Variants in VWC2L observed in about 807,000 individuals in gnomAD.
The protein encoded by VWC2L is von Willebrand factor C domain containing 2 like, also known as von Willebrand factor C domain-containing protein 2-like.
A neutral mutation model predicts 21.6 loss-of-function variants in VWC2L; 10 were observed. The observed-to-expected ratio is 0.46, with a 90% confidence interval of 0.29 to 0.78. VWC2L has a LOEUF of 0.78. Among genes scored for constraint, VWC2L ranks in the 30% least tolerant of loss-of-function variants. The pLI is 0.10. For missense variants in VWC2L, 209 were observed against 277.1 expected (o/e 0.75, Z 1.74); for synonymous variants, 96 against 94.3 (o/e 1.02, Z -0.10).
At chr2:214,548,820 A>G (rs1357948061) in intron 3 of VWC2L, among the ~76,000 whole-genome samples, 6 of 152,230 alleles carry the variant, frequency 3.9e-5, no homozygotes, top group Non-Finnish European at 7.3e-5. Context: ...GGGAAATTCC[A>G]CTTTACATCT....
intron 3 of VWC2L, among the ~76,000 whole-genome samples, chr2:214,570,040 G>T (rs1315700031): frequency 1.3e-5 from 2 of 151,964 alleles, no homozygotes; most frequent in African/African-American, 2.4e-5. Flanking sequence ...TCAATTTTCT[G>T]CTGGTTTTGT....
chr2:214,499,880 G>A (rs925514166), intron 3 of VWC2L, among the ~76,000 whole-genome samples: 4 of 152,238 alleles, frequency 2.6e-5, no homozygotes, highest in East Asian at 1.9e-4. Context: ...AGATAATAAC[G>A]TACAAGCCAA....
intron 3 of VWC2L, among the ~76,000 whole-genome samples, chr2:214,441,169 G>A (rs901280261): frequency 2.0e-5 from 3 of 152,134 alleles, no homozygotes; most frequent in Non-Finnish European, 4.4e-5. Flanking sequence ...GAAAACAAGA[G>A]GACAACAGAG....
chr2:214,566,036 T>A (rs1378408954), intron 3 of VWC2L, among the ~76,000 whole-genome samples: 1 of 152,154 alleles, frequency 6.6e-6, no homozygotes, highest in African/African-American at 2.4e-5. Flanking sequence ...CAACCTACTT[T>A]TAGGATTGCT....
chr2:214,489,981 A>G (rs1243380721), intron 3 of VWC2L, among the ~76,000 whole-genome samples: 1 of 152,220 alleles, frequency 6.6e-6, no homozygotes, highest in Non-Finnish European at 1.5e-5. Flanking sequence ...GGAACTAGTC[A>G]CTGGGTGCAG....
At chr2:214,487,307 G>A (rs1688684285) in intron 3 of VWC2L, among the ~76,000 whole-genome samples, 1 of 151,688 alleles carries the variant, frequency 6.6e-6, no homozygotes, top group Non-Finnish European at 1.5e-5. Flanking sequence ...AGCAAGCATG[G>A]GCTTGAAGAA....
intron 3 of VWC2L, among the ~76,000 whole-genome samples, chr2:214,476,473 T>TG (rs1688527643): frequency 6.6e-6 from 1 of 152,122 alleles, no homozygotes; most frequent in Admixed American, 6.5e-5. Flanking sequence ...ACAATGATTG[T>TG]GGGGGTTGGG....
At chr2:214,443,106 C>T (rs992215061) in intron 3 of VWC2L, among the ~76,000 whole-genome samples, 1 of 152,030 alleles carries the variant, frequency 6.6e-6, no homozygotes, top group African/African-American at 2.4e-5. Flanking sequence ...AAAGGCCGGG[C>T]GTGGTGGCTC....
At chr2:214,447,411 C>T (rs947646240) in intron 3 of VWC2L, among the ~76,000 whole-genome samples, 10 of 152,142 alleles carry the variant, frequency 6.6e-5, no homozygotes, top group Non-Finnish European at 1.0e-4. Context: ...AATTAAGGTA[C>T]ACAGTCTAAC....
intron 3 of VWC2L, among the ~76,000 whole-genome samples, chr2:214,536,103 A>G (rs1689524410): frequency 6.6e-6 from 1 of 152,134 alleles, no homozygotes; most frequent in Non-Finnish European, 1.5e-5. Context: ...TCACCATTAG[A>G]GCCCCCATGA....
At chr2:214,426,952 T>A in intron 2 of VWC2L, among the ~76,000 whole-genome samples, 1 of 152,182 alleles carries the variant, frequency 6.6e-6, no homozygotes, top group South Asian at 2.1e-4. Flanking sequence ...AAGCTCCCAC[T>A]GTCAAAAGAA....
chr2:214,415,946 A>G (rs1266045299), intron 2 of VWC2L, among the ~76,000 whole-genome samples: 1 of 152,124 alleles, frequency 6.6e-6, no homozygotes, highest in Non-Finnish European at 1.5e-5. Flanking sequence ...GAGTACATTT[A>G]TTAATGGTTT....
Position 214,414,553 on chromosome 2 carries a change from G to A in VWC2L, c.360G>A (p.Gly120=), listed in dbSNP as rs267599196. The change falls in exon 2 of 4, where the codon GGG becomes GGA. Residue 120 remains glycine (G), a synonymous_variant. Transcript: ENST00000312504. ...TAAAAAACTTCTGTGAATATCACGG[G>A]AAAAATTACAAAATCTTGGAGGAAT... ...KEVKNFCEYH[G]KNYKILEEFK... The A allele has an allele frequency of 1.1e-5, 17 of 1,612,484 alleles. No individual in the cohort carries two copies. The East Asian group carries it at 3.1e-4, about 30-fold the overall frequency.
At chr2:214,489,096 C>T (rs1450383166) in intron 3 of VWC2L, among the ~76,000 whole-genome samples, 1 of 152,134 alleles carries the variant, frequency 6.6e-6, no homozygotes, top group East Asian at 1.9e-4. Flanking sequence ...ACTTCATCAC[C>T]TGCTATGTAT....
intron 3 of VWC2L, chr2:214,510,206 G>C (rs952933119): frequency 6.6e-6 from 1 of 151,794 alleles, no homozygotes; most frequent in Non-Finnish European, 1.5e-5. Context: ...CTAATTCATG[G>C]GATCCAGATG....
intron 3 of VWC2L, among the ~76,000 whole-genome samples, chr2:214,550,637 T>A (rs1245347651): frequency 6.6e-6 from 1 of 152,166 alleles, no homozygotes; most frequent in Non-Finnish European, 1.5e-5. Context: ...CTATATCCAA[T>A]GTCATTAAAT....
intron 2 of VWC2L, among the ~76,000 whole-genome samples, chr2:214,426,472 G>A (rs1702526052): frequency 6.6e-6 from 1 of 152,152 alleles, no homozygotes. Context: ...TTAGATCAAA[G>A]AAGCAACAAA....
intron 3 of VWC2L, among the ~76,000 whole-genome samples, chr2:214,480,014 T>G (rs541607008): frequency 1.3e-5 from 2 of 152,304 alleles, no homozygotes; most frequent in South Asian, 4.1e-4. Flanking sequence ...AATAATGTAG[T>G]ATAACAACTA....
intron 3 of VWC2L, among the ~76,000 whole-genome samples, chr2:214,545,259 CAT>C (rs753786129): frequency 7.2e-5 from 11 of 152,156 alleles, no homozygotes; most frequent in East Asian, 1.9e-4. Flanking sequence ...GGAGCACTGA[CAT>C]GTGTTATATC....
Sources: allele counts gnomAD v4.1 joint callset (sites outside exome capture counted in the v4.1 genomes callset), GRCh38; gene constraint gnomAD v4.1.1; transcripts MANE v1.5; gene names NCBI Gene and HGNC (gene_info 2026-07-23, HGNC 2026-07-21).